Variants in MAGI1 observed in about 807,000 individuals in gnomAD.
MAGI1 encodes the protein membrane-associated guanylate kinase, WW and PDZ domain-containing protein 1.
In MAGI1, 58 loss-of-function variants were observed where a neutral mutation model predicts 139.9. That is an observed-to-expected ratio of 0.41 (90% CI 0.34 to 0.52). MAGI1 has a LOEUF of 0.52. MAGI1 is among the 20% of genes least tolerant of loss of function. The pLI is 0.12. For synonymous variants in MAGI1, 812 were observed against 737.9 expected, an observed-to-expected ratio of 1.10 and a Z score of -1.63; for missense variants, 1,874 against 1,901.6, an observed-to-expected ratio of 0.99 and a Z score of 0.27.
At chr3:65,404,327 T>C (rs1945155218) in intron 12 of MAGI1, among the ~76,000 whole-genome samples, 1 of 152,218 alleles carries the variant, frequency 6.6e-6, no homozygotes, top group Admixed American at 6.5e-5. Context: ...TGAGGTCTGT[T>C]TCCTCTGAGG....
intron 1 of MAGI1, among the ~76,000 whole-genome samples, chr3:65,904,180 C>T (rs1376027056): frequency 6.6e-6 from 1 of 152,184 alleles, no homozygotes; most frequent in African/African-American, 2.4e-5. Flanking sequence ...TAATGAGACA[C>T]CACTACCCTG....
intron 1 of MAGI1, among the ~76,000 whole-genome samples, chr3:65,677,463 A>T (rs187043143): frequency 7.9e-5 from 12 of 152,272 alleles, no homozygotes; most frequent in Admixed American, 5.2e-4. Flanking sequence ...TTTGGATCTC[A>T]GTGACCAAAG....
At chr3:65,413,265 A>T (rs1416605959) in intron 12 of MAGI1, among the ~76,000 whole-genome samples, 1 of 152,176 alleles carries the variant, frequency 6.6e-6, no homozygotes, top group African/African-American at 2.4e-5. Flanking sequence ...TTATTCCCAA[A>T]CTGCTTAATT....
chr3:65,497,319 G>A (rs776646605), intron 2 of MAGI1, among the ~76,000 whole-genome samples: 7 of 152,094 alleles, frequency 4.6e-5, no homozygotes, highest in Admixed American at 6.5e-5. Context: ...GAGAAAGATC[G>A]TCAAAGGAGA....
chr3:65,407,797 T>A (rs540487899), intron 12 of MAGI1, among the ~76,000 whole-genome samples: 35 of 152,190 alleles, frequency 2.3e-4, no homozygotes, highest in Non-Finnish European at 4.4e-4. Context: ...ATTTTACACA[T>A]AATGTGGCAA....
chr3:65,566,244 A>T (rs1343075590), intron 2 of MAGI1, among the ~76,000 whole-genome samples: 1 of 150,894 alleles, frequency 6.6e-6, no homozygotes, highest in East Asian at 1.9e-4. Flanking sequence ...ACAGAGCAAG[A>T]CTCTGTCTCA....
rs559651103 is a variant in MAGI1, at chr3:65,402,325, G to C, written c.2168-855C>G. Among the ~76,000 whole-genome samples, 7 of 152,302 alleles carry C rather than the reference G, an allele frequency of 4.6e-5. No individual in the cohort carries two copies. In the South Asian group the frequency reaches 1.5e-3, roughly 32 times the overall value. On this transcript the variant is annotated intron_variant, in intron 12 of 22. Transcript: ENST00000402939. ...TCTTCCAAAACCCTGTCCTTAGTGGGAGGGCTGGAGCTGGAAGGGACAAGT... is the reference window on the plus strand; with the variant it reads ...TCTTCCAAAACCCTGTCCTTAGTGGCAGGGCTGGAGCTGGAAGGGACAAGT...
intron 1 of MAGI1, among the ~76,000 whole-genome samples, chr3:65,658,631 C>T (rs539104854): frequency 6.6e-6 from 1 of 152,152 alleles, no homozygotes; most frequent in Non-Finnish European, 1.5e-5. Context: ...CTAAAAAGCT[C>T]CCAGGTGATG....
intron 1 of MAGI1, among the ~76,000 whole-genome samples, chr3:65,731,623 C>G (rs975439944): frequency 6.7e-6 from 1 of 149,822 alleles, no homozygotes; most frequent in Non-Finnish European, 1.5e-5. Context: ...CCACTGCACT[C>G]CAGCCTGGGT....
rs1043745331 is a variant in MAGI1 at position 65,442,653 on chromosome 3, T to C, written c.1136+139A>G. On this transcript the variant is annotated intron_variant, in intron 8 of 22. Transcript: ENST00000402939. ...TTGAATATTTTCTCATTCATTAATA[T>C]ATGCATACATATTTTCATCATAAAA... 1.9e-5 allele frequency: 11 copies of C among 570,808 alleles called. 1 individual carries two copies. The highest frequency in any genetic ancestry group is 5.7e-5 in the Admixed American group (2 of 34,784). The allele number at this position is 570,808 out of a possible 1,614,324, so 35.4% of individuals were successfully genotyped here.
chr3:65,436,915 C>A (rs1259330383), intron 10 of MAGI1, among the ~76,000 whole-genome samples: 1 of 152,016 alleles, frequency 6.6e-6, no homozygotes, highest in Non-Finnish European at 1.5e-5. Flanking sequence ...TTTGAATGAT[C>A]ATTTAACAAG....
intron 1 of MAGI1, among the ~76,000 whole-genome samples, chr3:65,868,497 C>T (rs1009792310): frequency 6.6e-6 from 1 of 152,128 alleles, no homozygotes; most frequent in Non-Finnish European, 1.5e-5. Flanking sequence ...TAGACAGACT[C>T]CCTGCACCCT....
At chr3:65,492,287 T>C (rs1414359610) in intron 3 of MAGI1, among the ~76,000 whole-genome samples, 1 of 152,144 alleles carries the variant, frequency 6.6e-6, no homozygotes, top group Non-Finnish European at 1.5e-5. Context: ...TTCAGAAAAA[T>C]GTGACTTTTT....
intron 1 of MAGI1, among the ~76,000 whole-genome samples, chr3:65,780,735 A>G (rs898980525): frequency 2.0e-5 from 3 of 152,212 alleles, no homozygotes; most frequent in African/African-American, 7.2e-5. Context: ...AAAACGTAGG[A>G]AAATTAAGGA....
At chr3:65,487,113 C>G (rs1951685387) in intron 3 of MAGI1, among the ~76,000 whole-genome samples, 1 of 152,128 alleles carries the variant, frequency 6.6e-6, no homozygotes. Context: ...ACAGGGTGTT[C>G]CGCGTTTTTA....
chr3:65,954,701 G>A (rs544613413), intron 1 of MAGI1: 13 of 152,330 alleles, frequency 8.5e-5, no homozygotes, highest in Admixed American at 2.6e-4. Context: ...TCCAATCTCA[G>A]TTCTGCCACT....
At chr3:65,811,681 T>A (rs1381370312) in intron 1 of MAGI1, among the ~76,000 whole-genome samples, 3 of 146,520 alleles carry the variant, frequency 2.0e-5, no homozygotes, top group Admixed American at 1.4e-4. Context: ...AATAAATAAA[T>A]AAATACACAA....
intron 1 of MAGI1, among the ~76,000 whole-genome samples, chr3:65,950,887 G>C (rs2063805246): frequency 6.6e-6 from 1 of 151,780 alleles, no homozygotes; most frequent in African/African-American, 2.4e-5. Context: ...GCTTCCCTGG[G>C]CCACATTAAA....
At chr3:65,671,111 AGTAAAACTGTTAATAT>A (rs1265927486) in intron 1 of MAGI1, among the ~76,000 whole-genome samples, 3 of 152,218 alleles carry the variant, frequency 2.0e-5, no homozygotes, top group Non-Finnish European at 4.4e-5. Flanking sequence ...AACCCTGTGA[AGTAAAACTGTTAATAT>A]CCCCATTTTA....
Sources: allele counts gnomAD v4.1 joint callset (sites outside exome capture counted in the v4.1 genomes callset), GRCh38; gene constraint gnomAD v4.1.1; transcripts MANE v1.5; gene names NCBI Gene and HGNC (gene_info 2026-07-23, HGNC 2026-07-21).